FILIP1L: variants seen among roughly 807,000 people sequenced by gnomAD.
FILIP1L encodes the protein filamin A-interacting protein 1-like.
Under a neutral mutation model 96.6 loss-of-function variants are expected in FILIP1L, and 55 were observed. The ratio of observed to expected loss-of-function variants is 0.57; its 90% CI spans 0.46 to 0.71. The LOEUF is 0.71. FILIP1L is among the 30% of genes least tolerant of loss of function. FILIP1L has a pLI of 0.00. For synonymous variants in FILIP1L, 467 were observed against 473.9 expected (o/e 0.99, Z 0.19); for missense variants, 1,304 against 1,321.2 (o/e 0.99, Z 0.20).
intron 5 of FILIP1L, 88 bp downstream of exon 5, chr3:99,848,207 G>A (rs1411184053): frequency 6.4e-7 from 1 of 1,568,946 alleles, no homozygotes; most frequent in African/African-American, 1.3e-5. Flanking sequence ...GGATATGGAG[G>A]GATGATTAAA....
At chr3:99,930,226 T>G (rs1172542487) in intron 2 of FILIP1L, among the ~76,000 whole-genome samples, 197 bp from the exon 3 acceptor site, 1 of 152,240 alleles carries the variant, frequency 6.6e-6, no homozygotes, top group Non-Finnish European at 1.5e-5. Context: ...AATTAATGTT[T>G]TAAAAAGTGA....
intron 1 of FILIP1L, among the ~76,000 whole-genome samples, chr3:99,991,929 C>T (rs1559717187): frequency 2.1e-5 from 3 of 145,178 alleles, no homozygotes; most frequent in Non-Finnish European, 3.0e-5. Flanking sequence ...TATATACACA[C>T]ATATGTATGT....
intron 4 of FILIP1L, among the ~76,000 whole-genome samples, chr3:99,887,786 G>A (rs1705956188): frequency 6.6e-6 from 1 of 152,180 alleles, no homozygotes; most frequent in Admixed American, 6.5e-5. Context: ...CCAGGCTGGA[G>A]TGCAGTGGCA....
In FILIP1L at chr3:100,089,790, G is replaced by A. The variant is rs78048178; in HGVS notation, c.-11+24263C>T. Among the ~76,000 whole-genome samples the A allele has an allele frequency of 5.5e-3, 835 of 152,266 alleles. 5 individuals carry two copies. Among genetic ancestry groups the A allele is most frequent in the African/African-American group, 0.017 (714 of 41,546 alleles). On this transcript the variant is annotated intron_variant, in intron 1 of 5. Coordinates refer to ENST00000477258, the MANE Select transcript of FILIP1L (RefSeq NM_001387850.1). ...GGCTAATTGAGGAAGATTTAGTCAG[G>A]CTTTTTAAGTAGAATGTCATATTAG...
chr3:99,831,867 T>A (rs1942679623), intron 5 of FILIP1L, among the ~76,000 whole-genome samples: 1 of 152,252 alleles, frequency 6.6e-6, no homozygotes, highest in African/African-American at 2.4e-5. Flanking sequence ...GCTGCCATAA[T>A]TGAACTTCCT....
At chr3:99,960,365 G>A (rs1708455564) in intron 1 of FILIP1L, among the ~76,000 whole-genome samples, 1 of 152,170 alleles carries the variant, frequency 6.6e-6, no homozygotes, top group Non-Finnish European at 1.5e-5. Context: ...CTGGATGTCA[G>A]ATCAAACACT....
intron 1 of FILIP1L, among the ~76,000 whole-genome samples, chr3:100,107,323 A>G (rs1240603738): frequency 1.3e-5 from 2 of 152,150 alleles, no homozygotes; most frequent in Admixed American, 6.6e-5. Context: ...CATCTGGGAA[A>G]ATGACAAAGT....
At chr3:99,936,490 C>T (rs1454785508) in intron 1 of FILIP1L, among the ~76,000 whole-genome samples, 1 of 140,408 alleles carries the variant, frequency 7.1e-6, no homozygotes, top group East Asian at 2.1e-4. Flanking sequence ...ATTCTCCTGC[C>T]TCAGCCTCCC....
Position 99,848,321 on chromosome 3 carries a change from G to A in FILIP1L, c.3355C>T (p.Pro1119Ser), listed in dbSNP as rs1317584722. The change falls in exon 5 of 6, where the codon CCT becomes TCT. Residue 1119 changes from proline to serine, a missense_variant. Transcript: ENST00000477258. ...GTAATTTGTGATTGTCGAGGAAGAG[G>A]TGTGGCTGTTGGTGTGATAGTAATA... ...SSITITPTAT[P>S]LPRQSQITIK... 1.2e-6 allele frequency: 2 copies of A among 1,614,132 alleles called. No individual in the cohort carries two copies. Among genetic ancestry groups the A allele is most frequent in the Non-Finnish European group, 1.7e-6 (2 of 1,180,008 alleles).
chr3:99,983,493 T>C (rs1375705354), intron 1 of FILIP1L, among the ~76,000 whole-genome samples: 18 of 45,830 alleles, frequency 3.9e-4, no homozygotes, highest in African/African-American at 1.2e-3. Context: ...TATATATATA[T>C]ATATATATAT....
intron 1 of FILIP1L, among the ~76,000 whole-genome samples, chr3:100,054,958 A>G (rs897281705): frequency 1.3e-5 from 2 of 152,158 alleles, no homozygotes; most frequent in Non-Finnish European, 2.9e-5. Flanking sequence ...AAACTTCTGA[A>G]TGCCCTTTCC....
Position 99,971,076 on chromosome 3 carries a change from G to T in FILIP1L, c.-10-40046C>A, listed in dbSNP as rs9843300. ...ATGGGGGCTGGGCGTGGTGGCTCAC[G>T]CCTGTAATCCCAGCACTTTGGGAGG... On this transcript the variant is annotated intron_variant, in intron 1 of 5. Coordinates refer to ENST00000477258, the MANE Select transcript of FILIP1L (RefSeq NM_001387850.1). Among the ~76,000 whole-genome samples the T allele has an allele frequency of 6.0e-3, 911 of 152,312 alleles. 9 individuals carry two copies. Among genetic ancestry groups the T allele is most frequent in the African/African-American group, 0.021 (855 of 41,572 alleles).
intron 1 of FILIP1L, among the ~76,000 whole-genome samples, chr3:99,949,680 TACA>T (rs1213130998): frequency 3.9e-5 from 6 of 152,214 alleles, no homozygotes; most frequent in Admixed American, 6.5e-5. Context: ...ATCAGAAAGG[TACA>T]ACAACACTTA....
intron 1 of FILIP1L, among the ~76,000 whole-genome samples, chr3:100,051,629 A>G (rs963337041): frequency 2.2e-4 from 33 of 150,372 alleles, no homozygotes; most frequent in African/African-American, 7.8e-4. Context: ...TCCTTGCGAT[A>G]GTTTGCTGAG....
rs779863867 is a variant in FILIP1L at position 99,848,976 on chromosome 3, C to G, written c.2700G>C (p.Gln900His). Residue 900 changes from glutamine to histidine, a missense_variant, in exon 5 of 6, where the codon CAG becomes CAC. By Grantham distance (24) the Gln-to-His change is conservative. Transcript: ENST00000477258. ...GDLVLSHTPG[Q>H]PLHIKVTPDH... Reference sequence around the variant, plus strand: ...CTGGAGTAACCTTTATATGAAGTGGCTGCCCAGGTGTGTGGCTTAGGACTA... The same window carrying G: ...CTGGAGTAACCTTTATATGAAGTGGGTGCCCAGGTGTGTGGCTTAGGACTA... 24 of 1,613,914 alleles carry G rather than the reference C, an allele frequency of 1.5e-5. No homozygotes were observed. The highest frequency in any genetic ancestry group is 4.0e-5 in the African/African-American group (3 of 74,906).
chr3:100,020,685 A>G (rs1169446129), intron 1 of FILIP1L, among the ~76,000 whole-genome samples: 3 of 152,100 alleles, frequency 2.0e-5, no homozygotes, highest in Admixed American at 2.0e-4. Flanking sequence ...GATTTCATTT[A>G]AAAATTGCAA....
At chr3:99,848,222 G>A (rs1441105702) in intron 5 of FILIP1L, 73 bp downstream of exon 5, 1 of 1,579,168 alleles carries the variant, frequency 6.3e-7, no homozygotes, top group South Asian at 1.2e-5. Flanking sequence ...ATTAAAAAAG[G>A]ATTGAGTTCC....
chr3:99,848,486 T>C lies in FILIP1L; in HGVS notation c.3190A>G (p.Ile1064Val), dbSNP rs1943478658. The C allele has an allele frequency of 5.0e-6, 8 of 1,614,200 alleles. No homozygotes were observed. Among genetic ancestry groups the C allele is most frequent in the Non-Finnish European group, 3.4e-6 (4 of 1,180,022 alleles). Reference protein sequence around the residue: ...VITTEDNKIHIHLGSPYMQAV... With the variant: ...VITTEDNKIHVHLGSPYMQAV... ...TGCATGTAAGGACTTCCTAAGTGAA[T>C]GTGGATTTTATTATCCTCAGTAGTT... The change falls in exon 5 of 6, where the codon ATT becomes GTT. Residue 1064 changes from isoleucine to valine, a missense_variant. Ile to Val is a conservative substitution (Grantham distance 29). Transcript: ENST00000477258.
intron 1 of FILIP1L, among the ~76,000 whole-genome samples, chr3:100,060,581 G>T (rs868142504): frequency 2.0e-5 from 3 of 152,044 alleles, no homozygotes; most frequent in Admixed American, 6.5e-5. Context: ...GGGGCTCGGC[G>T]CAGTGGCTCA....
Sources: gnomAD v4.1 joint callset for allele counts (sites outside exome capture counted in the v4.1 genomes callset) on GRCh38, gnomAD v4.1.1 for gene constraint, MANE v1.5 for transcripts, NCBI Gene and HGNC (gene_info 2026-07-23, HGNC 2026-07-21) for gene names.